CBFA2T3: variants seen among roughly 807,000 people sequenced by gnomAD.
CBFA2T3 encodes CBFA2/RUNX1 partner transcriptional co-repressor 3.
A neutral mutation model predicts 58.6 loss-of-function variants in CBFA2T3; 31 were observed. The observed-to-expected ratio is 0.53, with a 90% CI of 0.40 to 0.71. The LOEUF is 0.71. CBFA2T3 is among the 30% of genes least tolerant of loss of function. The probability of loss-of-function intolerance (pLI) is 0.00; values close to 1 mark genes in which losing one functional copy is unlikely to be tolerated. For missense variants in CBFA2T3, 1,076 were observed against 963.1 expected, an observed-to-expected ratio of 1.12 and a Z score of -1.55; for synonymous variants, 531 against 421.9, an observed-to-expected ratio of 1.26 and a Z score of -3.17.
intron 1 of CBFA2T3, among the ~76,000 whole-genome samples, chr16:88,940,664 G>A (rs923760685): frequency 5.3e-5 from 8 of 152,182 alleles, no homozygotes; most frequent in African/African-American, 1.9e-4. Context: ...CGCCACCTCT[G>A]CCTCTCCCAG....
intron 1 of CBFA2T3, among the ~76,000 whole-genome samples, chr16:88,946,463 G>C (rs1468260973): frequency 6.6e-6 from 1 of 152,096 alleles, no homozygotes; most frequent in Non-Finnish European, 1.5e-5. Context: ...AATAGGGAAG[G>C]TTGAGTAGGG....
chr16:88,926,473 C>T (rs1971088723), intron 1 of CBFA2T3, among the ~76,000 whole-genome samples: 1 of 152,204 alleles, frequency 6.6e-6, no homozygotes, highest in Non-Finnish European at 1.5e-5. Context: ...CGAGGCTGAG[C>T]GACCTCTCTT....
intron 1 of CBFA2T3, among the ~76,000 whole-genome samples, chr16:88,903,055 C>T (rs1269856147): frequency 3.9e-5 from 6 of 152,302 alleles, no homozygotes; most frequent in South Asian, 2.1e-4. Context: ...TGGTATCTGT[C>T]GTGTTATTAG....
chr16:88,934,989 C>T (rs192635561), intron 1 of CBFA2T3, among the ~76,000 whole-genome samples: 1,820 of 152,298 alleles, frequency 0.012, 33 homozygotes, highest in African/African-American at 0.035. Flanking sequence ...ATCCACCCGC[C>T]TTGGCCTCCC....
intron 8 of CBFA2T3, among the ~76,000 whole-genome samples, chr16:88,882,061 C>T (rs1395483642): frequency 1.3e-5 from 2 of 152,226 alleles, no homozygotes; most frequent in Non-Finnish European, 2.9e-5. Context: ...AAGCAAGGCC[C>T]GCCATGAGGG....
At chr16:88,878,902 T>C (rs1485660021) in intron 11 of CBFA2T3, among the ~76,000 whole-genome samples, 1 of 152,146 alleles carries the variant, frequency 6.6e-6, no homozygotes, top group African/African-American at 2.4e-5. Flanking sequence ...GCCGAGGTCA[T>C]GCCACAGCAA....
At chr16:88,952,097 G>C (rs932149875) in intron 1 of CBFA2T3, among the ~76,000 whole-genome samples, 4 of 152,168 alleles carry the variant, frequency 2.6e-5, no homozygotes, top group Admixed American at 2.6e-4. Flanking sequence ...AGCTGCTCTG[G>C]GCACCTGAGT....
chr16:88,975,173 G>GAC (rs1567643937), intron 1 of CBFA2T3, among the ~76,000 whole-genome samples: 8 of 97,236 alleles, frequency 8.2e-5, no homozygotes, highest in East Asian at 6.9e-4. Flanking sequence ...GACCCTCTCT[G>GAC]CTCCACATCT....
intron 5 of CBFA2T3, 52 bp from the exon 6 acceptor site, chr16:88,886,194 G>A (rs753854429): frequency 1.4e-5 from 19 of 1,371,060 alleles, no homozygotes; most frequent in Middle Eastern, 2.7e-4. Flanking sequence ...GCACAGCCCT[G>A]CTCAGGTCCG....
chr16:88,932,528 T>C (rs1426746573), intron 1 of CBFA2T3, among the ~76,000 whole-genome samples: 1 of 151,728 alleles, frequency 6.6e-6, no homozygotes, highest in Non-Finnish European at 1.5e-5. Context: ...ACACCCATAG[T>C]CCCAGCTACT....
At chr16:88,940,995 CGCGCG>C in intron 1 of CBFA2T3, 3 of 967,880 alleles carry the variant, frequency 3.1e-6, no homozygotes, top group Non-Finnish European at 3.7e-6. Flanking sequence ...GCGGCGGCGG[CGCGCG>C]GGGCGGACAC....
chr16:88,910,839 C>G (rs1970507493), intron 1 of CBFA2T3, among the ~76,000 whole-genome samples: 1 of 152,188 alleles, frequency 6.6e-6, no homozygotes, highest in South Asian at 2.1e-4. Flanking sequence ...GGTGTCCCCC[C>G]AAATCCCCTC....
chr16:88,971,815 C>A (rs920593663), intron 1 of CBFA2T3, among the ~76,000 whole-genome samples: 6 of 152,206 alleles, frequency 3.9e-5, no homozygotes, highest in Non-Finnish European at 5.9e-5. Flanking sequence ...TGTGACCAAT[C>A]GGCCTCTCCC....
In CBFA2T3 at chr16:88,894,380, T is replaced by C. The variant is rs572638564; in HGVS notation, c.380-1895A>G. Reference sequence around the variant, plus strand: ...TGCATACATATACACATGCACACAATGTACACACATGCACACACACATGCA... The same window carrying C: ...TGCATACATATACACATGCACACAACGTACACACATGCACACACACATGCA... On this transcript the variant is annotated intron_variant, in intron 3 of 11. Coordinates refer to ENST00000268679, the MANE Select transcript of CBFA2T3 (RefSeq NM_005187.6). 1.1e-3 allele frequency among the ~76,000 whole-genome samples: 91 copies of C among 83,710 alleles called. 3 individuals carry two copies. The highest frequency in any genetic ancestry group is 6.1e-3 in the African/African-American group (84 of 13,854). The allele number at this position is 83,710 out of a possible 152,430, so 54.9% of individuals were successfully genotyped here.
intron 1 of CBFA2T3, among the ~76,000 whole-genome samples, chr16:88,914,300 G>C (rs911484880): frequency 6.6e-6 from 1 of 152,226 alleles, no homozygotes; most frequent in Admixed American, 6.5e-5. Context: ...GGGGATCGGA[G>C]GCCTTGGGGA....
chr16:88,944,783 G>A (rs1363978832), intron 1 of CBFA2T3, among the ~76,000 whole-genome samples: 1 of 152,244 alleles, frequency 6.6e-6, no homozygotes, highest in East Asian at 1.9e-4. Context: ...GGTAAGACTC[G>A]CTGTCTGTGG....
chr16:88,960,245 C>T (rs1972325445), intron 1 of CBFA2T3, among the ~76,000 whole-genome samples: 1 of 152,146 alleles, frequency 6.6e-6, no homozygotes, highest in Admixed American at 6.5e-5. Context: ...GCAGGGCACT[C>T]TTCTGCCTCA....
chr16:88,899,715 G>C (rs1034042037), intron 2 of CBFA2T3, among the ~76,000 whole-genome samples: 4 of 152,234 alleles, frequency 2.6e-5, no homozygotes, highest in African/African-American at 9.6e-5. Flanking sequence ...TGAGGGTCTG[G>C]GGAACCAGGC....
intron 1 of CBFA2T3, chr16:88,937,448 A>C (rs1040436233): frequency 1.3e-5 from 2 of 152,732 alleles, no homozygotes; most frequent in African/African-American, 4.8e-5. Flanking sequence ...CCCAGCCCAC[A>C]GTGTGCACTG....
Sources: gnomAD v4.1 joint callset for allele counts (sites outside exome capture counted in the v4.1 genomes callset) on GRCh38, gnomAD v4.1.1 for gene constraint, MANE v1.5 for transcripts, NCBI Gene and HGNC (gene_info 2026-07-23, HGNC 2026-07-21) for gene names.